DNM3: variants seen among roughly 807,000 people sequenced by gnomAD.
DNM3 encodes the protein dynamin-3.
DNM3 carries 47 observed loss-of-function variants against 101.6 expected under a neutral mutation model. The observed-to-expected ratio is 0.46, with a 90% CI of 0.37 to 0.59. DNM3 has a LOEUF of 0.59. DNM3 is among the 20% of genes least tolerant of loss of function. The pLI is 0.00. For missense variants in DNM3, 849 were observed against 1,085.7 expected (o/e 0.78, Z 3.06); for synonymous variants, 385 against 387.9 (o/e 0.99, Z 0.09).
chr1:172,072,262 C>T (rs984625191), intron 11 of DNM3, among the ~76,000 whole-genome samples: 9 of 152,164 alleles, frequency 5.9e-5, no homozygotes, highest in African/African-American at 1.9e-4. Flanking sequence ...ATAATGATCA[C>T]GCTTCCTAAT....
At chr1:172,266,682 C>A (rs1265568191) in intron 15 of DNM3, among the ~76,000 whole-genome samples, 1 of 152,062 alleles carries the variant, frequency 6.6e-6, no homozygotes, top group Non-Finnish European at 1.5e-5. Flanking sequence ...TCAGTCCCAA[C>A]CCAAGTAGAG....
At chr1:171,932,605 T>C (rs2041116494) in intron 2 of DNM3, among the ~76,000 whole-genome samples, 1 of 152,206 alleles carries the variant, frequency 6.6e-6, no homozygotes, top group African/African-American at 2.4e-5. Context: ...TTATTGTTCT[T>C]TTAGTTTAGG....
chr1:172,221,307 T>C (rs1227507773), intron 14 of DNM3, among the ~76,000 whole-genome samples: 1 of 152,144 alleles, frequency 6.6e-6, no homozygotes, highest in Non-Finnish European at 1.5e-5. Context: ...TGAGCTCTAG[T>C]TCTACCCTAT....
At chr1:172,198,562 A>G (rs1382023896) in intron 14 of DNM3, among the ~76,000 whole-genome samples, 1 of 151,726 alleles carries the variant, frequency 6.6e-6, no homozygotes, top group Admixed American at 6.6e-5. Flanking sequence ...TTTGGTTGGT[A>G]GGCTATTTAT....
chr1:172,148,195 A>C (rs1353970624), intron 14 of DNM3, among the ~76,000 whole-genome samples: 1 of 152,006 alleles, frequency 6.6e-6, no homozygotes, highest in Non-Finnish European at 1.5e-5. Context: ...GCGCTTTCAC[A>C]GTTTTGTACT....
chr1:171,861,273 T>C (rs1029996627), intron 1 of DNM3, among the ~76,000 whole-genome samples: 1 of 152,100 alleles, frequency 6.6e-6, no homozygotes, highest in African/African-American at 2.4e-5. Context: ...TGGAGTTGCA[T>C]AGGATTCAGA....
At chr1:172,258,099 T>G (rs2062490183) in intron 15 of DNM3, among the ~76,000 whole-genome samples, 1 of 152,324 alleles carries the variant, frequency 6.6e-6, no homozygotes, top group Non-Finnish European at 1.5e-5. Context: ...TCCATGTTGC[T>G]GCAAATGACA....
chr1:171,946,752 T>C (rs2042197681), intron 2 of DNM3, among the ~76,000 whole-genome samples: 1 of 152,142 alleles, frequency 6.6e-6, no homozygotes. Context: ...CTTAGAAAGC[T>C]TCCATTCATG....
chr1:172,234,938 G>A (rs933312238), intron 14 of DNM3, among the ~76,000 whole-genome samples: 22 of 152,192 alleles, frequency 1.4e-4, no homozygotes, highest in Admixed American at 1.4e-3. Context: ...ACACAGGCAT[G>A]GGCAAGGACT....
chr1:171,876,831 A>T (rs184613894), intron 1 of DNM3, among the ~76,000 whole-genome samples: 21 of 152,338 alleles, frequency 1.4e-4, no homozygotes, highest in Non-Finnish European at 2.4e-4. Flanking sequence ...GCTTTATATT[A>T]AAATGTTTTT....
At position 172,053,598 on chromosome 1, in the gene DNM3, A is replaced by C. The variant is rs950131502; in HGVS notation, c.1335+4848A>C. On this transcript the variant is annotated intron_variant, in intron 10 of 20. Transcript: ENST00000627582. ...TCTCTAGCCTGTAACACAGTGACCA[A>C]CTCCACATAGGGGCATTTTATAAAT... is the stretch of plus-strand genomic sequence containing the variant. Among the ~76,000 whole-genome samples the C allele has an allele frequency of 5.9e-5, 9 of 152,270 alleles. No individual in the cohort carries two copies. The South Asian group carries it at 1.0e-3, about 18-fold the overall frequency.
intron 14 of DNM3, among the ~76,000 whole-genome samples, chr1:172,182,222 GAAAC>G (rs766070202): frequency 6.6e-5 from 10 of 151,250 alleles, no homozygotes; most frequent in East Asian, 3.9e-4. Flanking sequence ...TCAGTTAGGG[GAAAC>G]AAACAAACAA....
In DNM3 at chr1:172,396,967, T is replaced by G. The variant is rs555337609; in HGVS notation, c.2522+8158T>G. ...TTTATGTAAGATACATTCTGTACCA[T>G]GTGTATTTTTTTAAGTTTATATTAG... On this transcript the variant is annotated intron_variant, in intron 20 of 20. Coordinates refer to ENST00000627582, the MANE Select transcript of DNM3 (RefSeq NM_015569.5). 3.9e-5 allele frequency among the ~76,000 whole-genome samples: 6 copies of G among 152,312 alleles called. No homozygotes were observed. The East Asian group carries it at 1.2e-3, about 29-fold the overall frequency.
intron 11 of DNM3, among the ~76,000 whole-genome samples, chr1:172,080,954 A>G (rs1279167883): frequency 6.6e-6 from 1 of 152,110 alleles, no homozygotes; most frequent in African/African-American, 2.4e-5. Context: ...CATGGGCTGC[A>G]CCCACTGTCT....
intron 14 of DNM3, among the ~76,000 whole-genome samples, chr1:172,212,751 T>A (rs1207488660): frequency 6.6e-6 from 1 of 152,140 alleles, no homozygotes; most frequent in Non-Finnish European, 1.5e-5. Context: ...AAAGATCAGA[T>A]AATTCTAATC....
At chr1:172,092,627 G>A (rs1215997555) in intron 12 of DNM3, among the ~76,000 whole-genome samples, 197 bp from the exon 13 acceptor site, 1 of 152,082 alleles carries the variant, frequency 6.6e-6, no homozygotes, top group Non-Finnish European at 1.5e-5. Flanking sequence ...TGGTTTATAT[G>A]CTACTAGGAG....
chr1:172,308,205 T>G (rs1391699307), intron 15 of DNM3, among the ~76,000 whole-genome samples: 2 of 152,198 alleles, frequency 1.3e-5, no homozygotes. Context: ...ATCATAAATA[T>G]GCACTTCATT....
At chr1:172,104,420 G>A (rs373865807) in intron 13 of DNM3, among the ~76,000 whole-genome samples, 10 of 151,766 alleles carry the variant, frequency 6.6e-5, no homozygotes, top group East Asian at 5.8e-4. Flanking sequence ...ATAACTTACC[G>A]GCGAGGATAA....
chr1:172,133,275 C>T (rs1398296655), intron 14 of DNM3: 1 of 1,054,090 alleles, frequency 9.5e-7, no homozygotes, highest in Non-Finnish European at 1.1e-6. Context: ...TGGTTATTGG[C>T]TCATCTCCTC....
Sources: gnomAD v4.1 joint callset for allele counts (sites outside exome capture counted in the v4.1 genomes callset) on GRCh38, gnomAD v4.1.1 for gene constraint, MANE v1.5 for transcripts, NCBI Gene and HGNC (gene_info 2026-07-23, HGNC 2026-07-21) for gene names.